ZNF778: variants seen among roughly 807,000 people sequenced by gnomAD.
ZNF778 encodes the protein zinc finger protein 778.
A neutral mutation model predicts 23.9 loss-of-function variants in ZNF778; 37 were observed. The ratio of observed to expected loss-of-function variants is 1.54; its 90% confidence interval spans 1.19 to 2.03. The LOEUF (loss-of-function observed/expected upper bound fraction) is 2.03. Ranked by LOEUF, ZNF778 falls within the 30% of genes most tolerant of loss-of-function variation. The pLI, the probability that ZNF778 is intolerant of heterozygous loss-of-function variation, is 0.00. For missense variants in ZNF778, 1,297 were observed against 934.4 expected, an observed-to-expected ratio of 1.39 and a Z score of -5.06; for synonymous variants, 483 against 343.9, an observed-to-expected ratio of 1.40 and a Z score of -4.48.
At chr16:89,226,209 C>T (rs529874700) in intron 6 of ZNF778, among the ~76,000 whole-genome samples, 2 of 151,774 alleles carry the variant, frequency 1.3e-5, no homozygotes, top group Non-Finnish European at 1.5e-5. Context: ...TGTGCCTGGC[C>T]GATTCTTTTT....
In ZNF778 at chr16:89,226,842, C is replaced by T. The variant is rs934450647; in HGVS notation, c.554C>T (p.Pro185Leu). ...SNHYERDFFI[P>L]CQKTLFKIGE... The stretch of plus-strand genomic sequence containing the variant: ...CATTATGAAAGGGACTTTTTTATTC[C>T]ATGCCAGAAAACCTTGTTCAAAATT... The change falls in exon 7 of 7, where the codon CCA becomes CTA. Residue 185 changes from proline to leucine, a missense_variant. By Grantham distance (98) the Pro-to-Leu change is moderately conservative. Coordinates refer to ENST00000433976, the MANE Select transcript of ZNF778 (RefSeq NM_001201407.2). The T allele has an allele frequency of 5.0e-6, 8 of 1,613,870 alleles. No individual in the cohort carries two copies. Among genetic ancestry groups the T allele is most frequent in the Non-Finnish European group, 6.8e-6 (8 of 1,179,900 alleles).
chr16:89,232,632 TATTA>T lies in ZNF778; in HGVS notation c.*4075_*4078del, dbSNP rs2031984415. The T allele has an allele frequency of 2.6e-6, 3 of 1,153,270 alleles. No individual in the cohort carries two copies. The highest frequency in any genetic ancestry group is 2.1e-5 in the African/African-American group (1 of 46,872). 71.4% of individuals were successfully genotyped at this position (1,153,270 alleles called of 1,614,324 possible). A position where few individuals can be genotyped will look rare whatever the true frequency, so the allele number is the denominator to read the frequency against. On this transcript the variant is annotated 3_prime_UTR_variant, in exon 7 of 7. Transcript: ENST00000433976. ...AGATAAAATATTAAAGGACCAATTG[TATTA>T]ATTATGTTTTTTTTTTTTTTGTTAG...
In ZNF778 at chr16:89,227,794, G is replaced by T. The variant is rs1450381710; in HGVS notation, c.1506G>T (p.Glu502Asp). Residue 502 changes from glutamate to aspartate, a missense_variant, in exon 7 of 7, where the codon GAG becomes GAT. By Grantham distance (45) the Glu-to-Asp change is conservative. Transcript: ENST00000433976. ...AGCACGCGAGAATCCATACCGGAGA[G>T]AAACCCTACGAATGTAAGCAGTGTG... ...LTEHARIHTGEKPYECKQCGK... is the reference protein window; with the variant it reads ...LTEHARIHTGDKPYECKQCGK... 1 of 1,613,792 alleles carries T rather than the reference G, an allele frequency of 6.2e-7. No homozygotes were observed. Among genetic ancestry groups the T allele is most frequent in the Non-Finnish European group, 8.5e-7 (1 of 1,179,886 alleles).
At position 89,233,588 on chromosome 16, in the gene ZNF778, GCAACT is replaced by G. The variant is rs766256341; in HGVS notation, c.*5034_*5038del. Reference sequence around the variant, plus strand: ...ACTCAGCTCGCACTGCATATGCAACGCAACTCAACTCATACTGCATATGCAACTCA... The same window carrying G: ...ACTCAGCTCGCACTGCATATGCAACGCAACTCATACTGCATATGCAACTCA... On this transcript the variant is annotated 3_prime_UTR_variant, in exon 7 of 7. Transcript: ENST00000433976. 179 of 1,120,156 alleles carry G rather than the reference GCAACT, an allele frequency of 1.6e-4. No homozygotes were observed. The highest frequency in any genetic ancestry group is 7.2e-4 in the Middle Eastern group (3 of 4,158). The allele number at this position is 1,120,156 out of a possible 1,614,324, so 69.4% of individuals were successfully genotyped here.
intron 1 of ZNF778, among the ~76,000 whole-genome samples, chr16:89,219,899 A>G (rs760749838): frequency 6.6e-6 from 1 of 152,182 alleles, no homozygotes; most frequent in African/African-American, 2.4e-5. Context: ...ATCGGAGGGG[A>G]TGTCTTTATG....
In ZNF778 at chr16:89,227,267, C is replaced by T. The variant is rs2031563775; in HGVS notation, c.979C>T (p.His327Tyr). Residue 327 changes from histidine to tyrosine, a missense_variant, in exon 7 of 7, where the codon CAT becomes TAT. By Grantham distance (83) the His-to-Tyr change is moderately conservative. Coordinates refer to ENST00000433976, the MANE Select transcript of ZNF778 (RefSeq NM_001201407.2). ...CCCTGTTTCTTCCAGCCTAACTCAA[C>T]ATGTAAGAATTCATGCTGCAGAGAA... ...ASPVSSSLTQHVRIHAAEKPC... is the reference protein window; with the variant it reads ...ASPVSSSLTQYVRIHAAEKPC... 1.2e-6 allele frequency: 2 copies of T among 1,613,882 alleles called. No homozygotes were observed. The highest frequency in any genetic ancestry group is 2.7e-5 in the African/African-American group (2 of 74,932).
At chr16:89,218,940 T>C (rs1367696081) in intron 1 of ZNF778, among the ~76,000 whole-genome samples, 2 of 152,108 alleles carry the variant, frequency 1.3e-5, no homozygotes, top group Non-Finnish European at 2.9e-5. Flanking sequence ...AAATCCCGTC[T>C]CTACTAAAAG....
Position 89,228,906 on chromosome 16 carries a change from ATTT to A in ZNF778, c.*348_*350del. ...GGAGGGTGAGAATTGTTGGGAAGTC[ATTT>A]TTTACATTACATCTTTCCTCACCCT... On this transcript the variant is annotated 3_prime_UTR_variant, in exon 7 of 7. Transcript: ENST00000433976. The A allele has an allele frequency of 2.9e-6, 3 of 1,020,754 alleles. No homozygotes were observed. The highest frequency in any genetic ancestry group is 3.5e-6 in the Non-Finnish European group (3 of 853,076). The allele number at this position is 1,020,754 out of a possible 1,614,324, so 63.2% of individuals were successfully genotyped here.
Position 89,228,287 on chromosome 16 carries a change from C to G in ZNF778, c.1999C>G (p.His667Asp). The change falls in exon 7 of 7, where the codon CAC (histidine) becomes GAC (aspartate). Residue 667 changes from histidine (H) to aspartate (D), a missense_variant. Physicochemically the swap from His to Asp is moderately conservative, Grantham distance 81. Transcript: ENST00000433976. ...SSHLIEHRRT[H>D]TGEKPYICNE... is the part of the protein sequence containing the mutation. ...ACACCTTATCGAACACAGAAGGACT[C>G]ACACAGGAGAGAAACCTTACATATG... The G allele has an allele frequency of 1.2e-6, 2 of 1,605,610 alleles. No individual in the cohort carries two copies. Among genetic ancestry groups the G allele is most frequent in the Non-Finnish European group, 1.7e-6 (2 of 1,173,230 alleles).
rs140813964 is a variant in ZNF778, at chr16:89,223,331, T to C, written c.244+48T>C. 93 of 1,611,684 alleles carry C rather than the reference T, an allele frequency of 5.8e-5. No homozygotes were observed. The African/African-American group carries it at 1.1e-3, about 19-fold the overall frequency. ...CAACTTCTGTGGAACCAATACTTGA[T>C]GTGTCCTTACTGTGTTCCAGGGTTG... On this transcript the variant is annotated intron_variant, in intron 4 of 6. Transcript: ENST00000433976.
rs1186002401 is a variant in ZNF778 at position 89,227,809 on chromosome 16, T to C, written c.1521T>C (p.Cys507=). Residue 507 remains cysteine, a synonymous_variant, in exon 7 of 7, where the codon TGT becomes TGC. Coordinates refer to ENST00000433976, the MANE Select transcript of ZNF778 (RefSeq NM_001201407.2). Reference sequence around the variant, plus strand: ...ATACCGGAGAGAAACCCTACGAATGTAAGCAGTGTGGCAAAGCCTTCACAG... The same window carrying C: ...ATACCGGAGAGAAACCCTACGAATGCAAGCAGTGTGGCAAAGCCTTCACAG... ...RIHTGEKPYE[C]KQCGKAFTGR... 1 of 1,614,038 alleles carries C rather than the reference T, an allele frequency of 6.2e-7. No homozygotes were observed.
chr16:89,233,940 C>T lies in ZNF778; in HGVS notation c.*5378C>T. ...TAGACAGCAGGACATGCTGTATGCC[C>T]TTGGGCCTGCTGGAAGTATGCAGAC... On this transcript the variant is annotated 3_prime_UTR_variant, in exon 7 of 7. Transcript: ENST00000433976. 2 of 1,285,258 alleles carry T rather than the reference C, an allele frequency of 1.6e-6. No homozygotes were observed. The highest frequency in any genetic ancestry group is 1.2e-5 in the South Asian group (1 of 80,940). The allele number at this position is 1,285,258 out of a possible 1,614,324, so 79.6% of individuals were successfully genotyped here.
intron 2 of ZNF778, among the ~76,000 whole-genome samples, chr16:89,221,371 C>A (rs754707815): frequency 1.3e-5 from 2 of 152,174 alleles, no homozygotes. Flanking sequence ...TCACCACGGG[C>A]AAATGAAGAG....
chr16:89,226,868 G>A lies in ZNF778; in HGVS notation c.580G>A (p.Gly194Arg), dbSNP rs1298342841. The A allele has an allele frequency of 6.2e-7, 1 of 1,614,018 alleles. No homozygotes were observed. Among genetic ancestry groups the A allele is most frequent in the Non-Finnish European group, 8.5e-7 (1 of 1,179,896 alleles). ...ATGCCAGAAAACCTTGTTCAAAATTGGAGAGCAGTTTTCCGTGTTGGGTCA... is the reference window on the plus strand; with the variant it reads ...ATGCCAGAAAACCTTGTTCAAAATTAGAGAGCAGTTTTCCGTGTTGGGTCA... ...IPCQKTLFKI[G>R]EQFSVLGQCG... Residue 194 changes from glycine (G) to arginine (R), a missense_variant, in exon 7 of 7, where the codon GGA (glycine) becomes AGA (arginine). By Grantham distance (125) the Gly-to-Arg change is moderately radical. Coordinates refer to ENST00000433976, the MANE Select transcript of ZNF778 (RefSeq NM_001201407.2).
intron 6 of ZNF778, 46 bp downstream of exon 6, chr16:89,225,677 G>C (rs1361202671): frequency 1.3e-6 from 2 of 1,524,170 alleles, no homozygotes; most frequent in Non-Finnish European, 1.8e-6. Context: ...ACTCATAAAA[G>C]ATTGGGAATT....
Position 89,233,850 on chromosome 16 carries a change from C to T in ZNF778, c.*5288C>T, listed in dbSNP as rs1567517024. 3.1e-6 allele frequency: 4 copies of T among 1,290,396 alleles called. No homozygotes were observed. Among genetic ancestry groups the T allele is most frequent in the Non-Finnish European group, 3.0e-6 (3 of 989,486 alleles). 79.9% of individuals were successfully genotyped at this position (1,290,396 alleles called of 1,614,324 possible). ...TGCAAGTACTTATTTCCGGCCACTT[C>T]CTTTTTCTAACTACCACACCAAGCC... On this transcript the variant is annotated 3_prime_UTR_variant, in exon 7 of 7. Coordinates refer to ENST00000433976, the MANE Select transcript of ZNF778 (RefSeq NM_001201407.2).
chr16:89,220,987 T>A lies in ZNF778; in HGVS notation c.-131-10T>A. 1 of 846,858 alleles carries A rather than the reference T, an allele frequency of 1.2e-6. No individual in the cohort carries two copies. The highest frequency in any genetic ancestry group is 1.9e-6 in the Non-Finnish European group (1 of 537,852). 52.5% of individuals were successfully genotyped at this position (846,858 alleles called of 1,614,324 possible). A position where few individuals can be genotyped will look rare whatever the true frequency, so the allele number is the denominator to read the frequency against. On this transcript the variant is annotated splice_polypyrimidine_tract_variant and intron_variant, in intron 1 of 6. Transcript: ENST00000433976. ...ACTGGGAAGTAATGCTTCTTCATCA[T>A]GATTGCTAGGAAATAGGGATCCAGC...
rs142170375 is a variant in ZNF778 at position 89,230,233 on chromosome 16, G to C, written c.*1671G>C. The C allele has an allele frequency of 7.8e-6, 2 of 256,218 alleles. No individual in the cohort carries two copies. Among genetic ancestry groups the C allele is most frequent in the Non-Finnish European group, 1.2e-5 (2 of 163,374 alleles). 15.9% of individuals were successfully genotyped at this position (256,218 alleles called of 1,614,324 possible). A position where few individuals can be genotyped will look rare whatever the true frequency, so the allele number is the denominator to read the frequency against. ...TGCAAGGAGGGGCAGAGTGGAGAGG[G>C]GCGAGGTCTGTACCCTGAGATGCCC... On this transcript the variant is annotated 3_prime_UTR_variant, in exon 7 of 7. Transcript: ENST00000433976.
chr16:89,219,251 G>C (rs1440452603), intron 1 of ZNF778, among the ~76,000 whole-genome samples: 1 of 152,178 alleles, frequency 6.6e-6, no homozygotes, highest in African/African-American at 2.4e-5. Context: ...TGTTCCCATC[G>C]TTTATGTCTT....
Sources: allele counts gnomAD v4.1 joint callset (sites outside exome capture counted in the v4.1 genomes callset), GRCh38; gene constraint gnomAD v4.1.1; transcripts MANE v1.5; gene names NCBI Gene and HGNC (gene_info 2026-07-23, HGNC 2026-07-21).